The following COG5 variants were observed in gnomAD, a reference collection of about 807,000 sequenced individuals.
COG5 encodes the protein conserved oligomeric Golgi complex subunit 5.
COG5 carries 86 observed loss-of-function variants against 110.4 expected under a neutral mutation model. The ratio of observed to expected loss-of-function variants is 0.78; its 90% CI spans 0.65 to 0.93. The LOEUF is 0.93. COG5 is among the 40% of genes least tolerant of loss of function. The probability of loss-of-function intolerance (pLI) is 0.00; values close to 1 mark genes in which losing one functional copy is unlikely to be tolerated. For missense variants in COG5, 1,077 were observed against 987.0 expected (o/e 1.09, Z -1.22); for synonymous variants, 360 against 334.6 (o/e 1.08, Z -0.83).
At chr7:107,456,001 G>A (rs1477925028) in intron 6 of COG5, among the ~76,000 whole-genome samples, 1 of 151,748 alleles carries the variant, frequency 6.6e-6, no homozygotes. Flanking sequence ...GTTTCCCCAT[G>A]TTGGCCAGGC....
At chr7:107,371,444 T>A (rs1474519306) in intron 8 of COG5, among the ~76,000 whole-genome samples, 1 of 151,958 alleles carries the variant, frequency 6.6e-6, no homozygotes, top group Non-Finnish European at 1.5e-5. Flanking sequence ...AATAAAAAAT[T>A]AACAATCTAA....
chr7:107,407,061 T>C, intron 7 of COG5, among the ~76,000 whole-genome samples: 1 of 152,208 alleles, frequency 6.6e-6, no homozygotes, highest in East Asian at 1.9e-4. Context: ...ATCAAAGAAT[T>C]TGATAATTTG....
At chr7:107,522,258 C>G (rs972314290) in intron 6 of COG5, among the ~76,000 whole-genome samples, 1 of 152,218 alleles carries the variant, frequency 6.6e-6, no homozygotes, top group African/African-American at 2.4e-5. Flanking sequence ...CACCTGAAGT[C>G]AGGAGTTCAA....
chr7:107,252,609 G>A (rs1293630696), intron 16 of COG5, among the ~76,000 whole-genome samples: 5 of 152,092 alleles, frequency 3.3e-5, no homozygotes, highest in Non-Finnish European at 1.5e-5. Context: ...AAAATTTTAT[G>A]ACAATATACC....
intron 14 of COG5, among the ~76,000 whole-genome samples, chr7:107,270,569 G>A (rs1412244987): frequency 6.6e-6 from 1 of 151,736 alleles, no homozygotes; most frequent in Non-Finnish European, 1.5e-5. Context: ...CCTCACATAT[G>A]TTTTGAATTA....
At chr7:107,241,430 A>C (rs941864951) in intron 17 of COG5, among the ~76,000 whole-genome samples, 5 of 145,060 alleles carry the variant, frequency 3.4e-5, no homozygotes, top group African/African-American at 1.0e-4. Context: ...CTATCTATCT[A>C]TATATATATA....
chr7:107,350,660 T>TA (rs781245921), intron 10 of COG5, among the ~76,000 whole-genome samples: 146 of 152,336 alleles, frequency 9.6e-4, no homozygotes, highest in Non-Finnish European at 2.0e-3. Context: ...TTCTGGTGGC[T>TA]AAAACTAAAA....
intron 11 of COG5, among the ~76,000 whole-genome samples, chr7:107,303,329 G>C (rs1430413210): frequency 6.6e-6 from 1 of 152,082 alleles, no homozygotes; most frequent in Non-Finnish European, 1.5e-5. Flanking sequence ...CTCAGCAAAT[G>C]TGATTGATTA....
chr7:107,521,985 C>G (rs1419872211), intron 6 of COG5, among the ~76,000 whole-genome samples: 1 of 152,112 alleles, frequency 6.6e-6, no homozygotes, highest in Non-Finnish European at 1.5e-5. Context: ...ATGGATGAAG[C>G]TGGAAGCCTT....
intron 7 of COG5, among the ~76,000 whole-genome samples, chr7:107,398,303 A>T (rs1272912755): frequency 6.6e-6 from 1 of 152,230 alleles, no homozygotes; most frequent in African/African-American, 2.4e-5. Flanking sequence ...TATACATACA[A>T]TCAGGAGTTC....
chr7:107,500,699 C>A (rs1348941314), intron 6 of COG5, among the ~76,000 whole-genome samples: 2 of 152,130 alleles, frequency 1.3e-5, no homozygotes, highest in East Asian at 3.8e-4. Flanking sequence ...AAAACCATGT[C>A]ATCAGTATGT....
At chr7:107,317,395 A>G (rs577572570) in intron 11 of COG5, among the ~76,000 whole-genome samples, 46 of 152,304 alleles carry the variant, frequency 3.0e-4, no homozygotes, top group African/African-American at 1.1e-3. Flanking sequence ...TCAGCAAAGC[A>G]CTGATCAGCA....
intron 6 of COG5, among the ~76,000 whole-genome samples, chr7:107,416,716 G>A (rs575635123): frequency 6.6e-6 from 1 of 152,124 alleles, no homozygotes; most frequent in Non-Finnish European, 1.5e-5. Context: ...GACGGACCAT[G>A]TCAAATAGAC....
At chr7:107,334,650 A>C (rs1352057797) in intron 10 of COG5, among the ~76,000 whole-genome samples, 2 of 152,184 alleles carry the variant, frequency 1.3e-5, no homozygotes, top group Non-Finnish European at 2.9e-5. Flanking sequence ...AAGTGAAAAA[A>C]AAAATGCTAT....
chr7:107,257,763 G>T (rs533272252), intron 15 of COG5, among the ~76,000 whole-genome samples: 5 of 151,998 alleles, frequency 3.3e-5, no homozygotes, highest in African/African-American at 4.8e-5. Flanking sequence ...ATTTCTAGTA[G>T]AAAAATAGCA....
At chr7:107,399,910 C>T (rs1366908103) in intron 7 of COG5, among the ~76,000 whole-genome samples, 4 of 152,202 alleles carry the variant, frequency 2.6e-5, no homozygotes, top group African/African-American at 7.2e-5. Context: ...AGACTGCTAA[C>T]ATCAAATGTT....
In COG5 at chr7:107,348,125, C is replaced by CAAA. The variant is rs34140927; in HGVS notation, c.1026+13905_1026+13907dup. On this transcript the variant is annotated intron_variant, in intron 10 of 21. Transcript: ENST00000297135. ...TGGGTGACAGAGTGAGACTCCATCT[C>CAAA]AAAAAAAAAAAAAAAAAAAAAAAGA... Among the ~76,000 whole-genome samples, 322 of 51,082 alleles carry CAAA rather than the reference C, an allele frequency of 6.3e-3. 9 individuals carry two copies. The highest frequency in any genetic ancestry group is 0.017 in the East Asian group (28 of 1,674). The allele number at this position is 51,082 out of a possible 152,430, so 33.5% of individuals were successfully genotyped here. A position where few individuals can be genotyped will look rare whatever the true frequency, so the allele number is the denominator to read the frequency against.
At chr7:107,285,217 A>C (rs1337482964) in intron 12 of COG5, among the ~76,000 whole-genome samples, 1 of 152,188 alleles carries the variant, frequency 6.6e-6, no homozygotes, top group Admixed American at 6.5e-5. Flanking sequence ...GTAATAGATG[A>C]AGATACCAAG....
At chr7:107,327,825 C>G (rs1714154512) in intron 10 of COG5, among the ~76,000 whole-genome samples, 1 of 152,134 alleles carries the variant, frequency 6.6e-6, no homozygotes, top group African/African-American at 2.4e-5. Flanking sequence ...TGTGGAGAAA[C>G]TGGAAATTTT....
Sources: allele counts gnomAD v4.1 joint callset (sites outside exome capture counted in the v4.1 genomes callset), GRCh38; gene constraint gnomAD v4.1.1; transcripts MANE v1.5; gene names NCBI Gene and HGNC (gene_info 2026-07-23, HGNC 2026-07-21).